PARD6G: variants seen among roughly 807,000 people sequenced by gnomAD.
PARD6G encodes the protein par-6 family cell polarity regulator gamma.
PARD6G carries 7 observed loss-of-function variants against 10.7 expected under a neutral mutation model. The observed-to-expected ratio is 0.66, with a 90% CI of 0.37 to 1.23. The LOEUF is 1.23. PARD6G is among the 50% of genes most tolerant of loss of function. The probability of loss-of-function intolerance (pLI) is 0.02; values close to 1 mark genes in which losing one functional copy is unlikely to be tolerated. For synonymous variants in PARD6G, 287 were observed against 269.4 expected (o/e 1.07, Z -0.64); for missense variants, 548 against 571.8 (o/e 0.96, Z 0.42).
In PARD6G at chr18:80,182,800, T is replaced by TA. The variant is rs2052854663; in HGVS notation, c.295+19909dup. 2 of 316,640 alleles carry TA rather than the reference T, an allele frequency of 6.3e-6. No homozygotes were observed. Among genetic ancestry groups the TA allele is most frequent in the Non-Finnish European group, 1.2e-5 (2 of 172,518 alleles). The allele number at this position is 316,640 out of a possible 1,614,324, so 19.6% of individuals were successfully genotyped here. A position where few individuals can be genotyped will look rare whatever the true frequency, so the allele number is the denominator to read the frequency against. On this transcript the variant is annotated intron_variant, in intron 2 of 2. Coordinates refer to ENST00000353265, the MANE Select transcript of PARD6G (RefSeq NM_032510.4). The surrounding 1 kb of genome is among the most constrained non-coding windows in gnomAD (Gnocchi z 4.5). The stretch of plus-strand genomic sequence containing the variant: ...TTATCAAAGCTCTGTTTTATTCTTT[T>TA]AAAAATGACAAGTTACTATTTTGGG...
intron 2 of PARD6G, chr18:80,170,700 C>G (rs1008594772): frequency 6.6e-6 from 1 of 152,274 alleles, no homozygotes; most frequent in South Asian, 2.1e-4. Context: ...CACACTAAGT[C>G]CTAGTTTCCA....
At chr18:80,179,624 T>C in intron 2 of PARD6G, among the ~76,000 whole-genome samples, 1 of 152,190 alleles carries the variant, frequency 6.6e-6, no homozygotes, top group Non-Finnish European at 1.5e-5. Context: ...GCAGGCGAGT[T>C]GTTAGGAGCA....
At chr18:80,241,235 G>A (rs1167953823) in intron 1 of PARD6G, among the ~76,000 whole-genome samples, 2 of 152,154 alleles carry the variant, frequency 1.3e-5, no homozygotes, top group Non-Finnish European at 2.9e-5. Context: ...GATCCTGAGA[G>A]GGGTGTGAGC....
intron 2 of PARD6G, among the ~76,000 whole-genome samples, chr18:80,186,346 T>G (rs2052877659): frequency 9.3e-6 from 1 of 107,962 alleles, no homozygotes; most frequent in African/African-American, 3.9e-5. Flanking sequence ...CACATGTGCA[T>G]GCACCCTCAC....
At chr18:80,174,098 C>T (rs2052793972) in intron 2 of PARD6G, among the ~76,000 whole-genome samples, 1 of 152,198 alleles carries the variant, frequency 6.6e-6, no homozygotes. Context: ...CCTCACTCCA[C>T]AGGGCTCCTG....
chr18:80,217,567 G>C (rs1165654325), intron 1 of PARD6G, among the ~76,000 whole-genome samples: 3 of 152,112 alleles, frequency 2.0e-5, no homozygotes, highest in Admixed American at 2.0e-4. Flanking sequence ...CTTTACCACT[G>C]TCTTCTTCTT....
chr18:80,186,101 T>C (rs1214772819), intron 2 of PARD6G, among the ~76,000 whole-genome samples: 3 of 128,728 alleles, frequency 2.3e-5, no homozygotes, highest in African/African-American at 9.1e-5. Context: ...CAGTCACATA[T>C]GCTTGCACAC....
intron 2 of PARD6G, chr18:80,202,100 CTTCT>C (rs932589117): frequency 1.3e-5 from 2 of 150,508 alleles, no homozygotes; most frequent in Admixed American, 1.3e-4. Flanking sequence ...CCTGCAGGTG[CTTCT>C]TTCTTTCAGC....
At chr18:80,240,939 C>T (rs547612281) in intron 1 of PARD6G, among the ~76,000 whole-genome samples, 9 of 152,288 alleles carry the variant, frequency 5.9e-5, no homozygotes, top group African/African-American at 2.2e-4. Flanking sequence ...ATGCCCTATG[C>T]CTGCCACAAA....
intron 1 of PARD6G, among the ~76,000 whole-genome samples, chr18:80,217,567 G>A (rs1165654325): frequency 6.6e-6 from 1 of 152,112 alleles, no homozygotes; most frequent in Non-Finnish European, 1.5e-5. Flanking sequence ...CTTTACCACT[G>A]TCTTCTTCTT....
At chr18:80,217,870 G>T (rs557408769) in intron 1 of PARD6G, among the ~76,000 whole-genome samples, 5 of 152,200 alleles carry the variant, frequency 3.3e-5, no homozygotes, top group Non-Finnish European at 1.5e-5. Context: ...AATCATGGTG[G>T]AAGGGGAAGC....
At chr18:80,234,769 A>G (rs961373743) in intron 1 of PARD6G, among the ~76,000 whole-genome samples, 7 of 152,314 alleles carry the variant, frequency 4.6e-5, no homozygotes, top group African/African-American at 1.2e-4. Flanking sequence ...GAAGGCCATT[A>G]CATAATGGTA....
At chr18:80,173,353 G>C (rs545037840) in intron 2 of PARD6G, among the ~76,000 whole-genome samples, 1 of 152,270 alleles carries the variant, frequency 6.6e-6, no homozygotes, top group Middle Eastern at 3.4e-3. Context: ...GGCCGTGCAC[G>C]GTGGCTCACG....
intron 1 of PARD6G, among the ~76,000 whole-genome samples, chr18:80,216,621 T>C (rs1394779873): frequency 1.3e-5 from 2 of 151,980 alleles, no homozygotes; most frequent in African/African-American, 4.8e-5. Context: ...GCTAAGGCAG[T>C]GTTGAAAAGG....
At chr18:80,238,660 C>T (rs77318125) in intron 1 of PARD6G, among the ~76,000 whole-genome samples, 3,130 of 152,126 alleles carry the variant, frequency 0.021, 100 homozygotes, top group African/African-American at 0.068. Flanking sequence ...GCATCTTGAC[C>T]ACCAAGCCGT....
At chr18:80,230,513 G>A (rs1967345960) in intron 1 of PARD6G, among the ~76,000 whole-genome samples, 1 of 152,200 alleles carries the variant, frequency 6.6e-6, no homozygotes, top group South Asian at 2.1e-4. Flanking sequence ...CCTAGGTGCT[G>A]TCCACCCAAG....
chr18:80,212,257 G>T (rs1292948424), intron 1 of PARD6G, among the ~76,000 whole-genome samples: 1 of 152,146 alleles, frequency 6.6e-6, no homozygotes, highest in Non-Finnish European at 1.5e-5. Context: ...TCCTGCCCAT[G>T]GTTGGTTCCT....
Position 80,184,426 on chromosome 18 carries a change from T to G in PARD6G, c.295+18284A>C, listed in dbSNP as rs1287136186. On this transcript the variant is annotated intron_variant, in intron 2 of 2. Transcript: ENST00000353265. The surrounding 1 kb of genome is among the most constrained non-coding windows in gnomAD (Gnocchi z 4.5). The stretch of plus-strand genomic sequence containing the variant: ...ACCAACCGATGAACACAGGGTGACC[T>G]GTCCATACAGTGGGGTCTCAGCCAC... The G allele has an allele frequency of 2.0e-5, 3 of 152,174 alleles. No individual in the cohort carries two copies. The highest frequency in any genetic ancestry group is 4.4e-5 in the Non-Finnish European group (3 of 68,056). 9.4% of individuals were successfully genotyped at this position (152,174 alleles called of 1,614,324 possible). A position where few individuals can be genotyped will look rare whatever the true frequency, so the allele number is the denominator to read the frequency against.
intron 1 of PARD6G, among the ~76,000 whole-genome samples, chr18:80,207,194 T>A (rs554023546): frequency 3.1e-5 from 3 of 97,870 alleles, no homozygotes; most frequent in African/African-American, 8.6e-5. Context: ...CTAGTGATTA[T>A]CAATAAATAC....
Sources: allele counts gnomAD v4.1 joint callset (sites outside exome capture counted in the v4.1 genomes callset), GRCh38; gene constraint gnomAD v4.1.1; non-coding constraint Gnocchi (gnomAD v3.1); transcripts MANE v1.5; gene names NCBI Gene and HGNC (gene_info 2026-07-23, HGNC 2026-07-21).